Variants in SMOC2 observed in about 807,000 individuals in gnomAD.
The protein encoded by SMOC2 is SPARC-related modular calcium-binding protein 2.
Under a neutral mutation model 61.4 loss-of-function variants are expected in SMOC2, and 39 were observed. The ratio of observed to expected loss-of-function variants is 0.64; its 90% CI spans 0.49 to 0.83. The LOEUF is 0.83. Among genes scored for constraint, SMOC2 ranks in the 40% least tolerant of loss-of-function variants. SMOC2 has a pLI of 0.00. For synonymous variants in SMOC2, 247 were observed against 239.9 expected (o/e 1.03, Z -0.27); for missense variants, 556 against 592.9 (o/e 0.94, Z 0.65).
intron 11 of SMOC2, among the ~76,000 whole-genome samples, chr6:168,663,284 G>A (rs535640232): frequency 2.0e-5 from 3 of 152,312 alleles, no homozygotes; most frequent in South Asian, 4.2e-4. Context: ...TGCAGAGGGC[G>A]GTGAAGCCAG....
Position 168,445,918 on chromosome 6 carries a change from A to G in SMOC2, c.84+4464A>G, listed in dbSNP as rs150616308. The stretch of plus-strand genomic sequence containing the variant: ...TGGGCATGGATGTAACGTCAGTTGC[A>G]ATGGCTCAGAACCGAACAGATTTCT... On this transcript the variant is annotated intron_variant, in intron 1 of 12. Transcript: ENST00000356284. 3.2e-3 allele frequency among the ~76,000 whole-genome samples: 487 copies of G among 152,354 alleles called. 5 individuals carry two copies. The highest frequency in any genetic ancestry group is 0.01 in the Middle Eastern group (3 of 294).
chr6:168,552,361 T>A (rs1447161284), intron 7 of SMOC2, among the ~76,000 whole-genome samples: 1 of 152,232 alleles, frequency 6.6e-6, no homozygotes, highest in Non-Finnish European at 1.5e-5. Context: ...TGAGAAAATG[T>A]AAGTAATTTT....
Position 168,615,266 on chromosome 6 carries a change from C to T in SMOC2, c.907+7027C>T, listed in dbSNP as rs1230653911. On this transcript the variant is annotated intron_variant, in intron 9 of 12. Transcript: ENST00000356284. ...ACCTACAGCCAGCACGGGGCCTTTTCACACCTACAGCCAGCATGGGGCCTC... is the reference window on the plus strand; with the variant it reads ...ACCTACAGCCAGCACGGGGCCTTTTTACACCTACAGCCAGCATGGGGCCTC... Among the ~76,000 whole-genome samples, 54 of 93,082 alleles carry T rather than the reference C, an allele frequency of 5.8e-4. 2 individuals carry two copies. Among genetic ancestry groups the T allele is most frequent in the Non-Finnish European group, 8.0e-4 (36 of 45,108 alleles). The allele number at this position is 93,082 out of a possible 152,430, so 61.1% of individuals were successfully genotyped here.
At position 168,464,704 on chromosome 6, in the gene SMOC2, C is replaced by T. The variant is rs561543539; in HGVS notation, c.84+23250C>T. Among the ~76,000 whole-genome samples, 4 of 152,206 alleles carry T rather than the reference C, an allele frequency of 2.6e-5. No individual in the cohort carries two copies. The South Asian group carries it at 6.2e-4, about 24-fold the overall frequency. Reference sequence around the variant, plus strand: ...GCCACAGCCTTTTAAACATTTTTATCGTTGAATGTGTAAATAGTAATGTTT... The same window carrying T: ...GCCACAGCCTTTTAAACATTTTTATTGTTGAATGTGTAAATAGTAATGTTT... On this transcript the variant is annotated intron_variant, in intron 1 of 12. Coordinates refer to ENST00000356284, the MANE Select transcript of SMOC2 (RefSeq NM_001166412.2).
chr6:168,578,461 T>G (rs924074306), intron 7 of SMOC2, among the ~76,000 whole-genome samples: 3 of 152,224 alleles, frequency 2.0e-5, no homozygotes, highest in African/African-American at 7.2e-5. Flanking sequence ...CTTTCTGCTG[T>G]CATTGAATTT....
At chr6:168,652,014 C>G (rs1035106655) in intron 10 of SMOC2, among the ~76,000 whole-genome samples, 2 of 144,780 alleles carry the variant, frequency 1.4e-5, no homozygotes, top group African/African-American at 2.6e-5. Context: ...GCACTTCAGC[C>G]AGGACAACAA....
At chr6:168,587,909 C>T (rs928790244) in intron 7 of SMOC2, among the ~76,000 whole-genome samples, 1 of 150,014 alleles carries the variant, frequency 6.7e-6, no homozygotes, top group Non-Finnish European at 1.5e-5. Context: ...GCTGCCGTAA[C>T]AAAATCCCTT....
intron 2 of SMOC2, among the ~76,000 whole-genome samples, chr6:168,518,842 C>T (rs59263528): frequency 0.1 from 15,424 of 150,172 alleles, 868 homozygotes; most frequent in Middle Eastern, 0.19. Context: ...AGTGTGCATG[C>T]GTGTGTGTGC....
At chr6:168,497,794 GC>G (rs1388202844) in intron 1 of SMOC2, among the ~76,000 whole-genome samples, 1 of 152,110 alleles carries the variant, frequency 6.6e-6, no homozygotes, top group Admixed American at 6.6e-5. Flanking sequence ...ACCACGTTTT[GC>G]CCCCCACAAA....
intron 2 of SMOC2, among the ~76,000 whole-genome samples, chr6:168,518,593 ATG>A (rs72507344): frequency 0.2 from 29,151 of 146,174 alleles, 3,009 homozygotes; most frequent in Admixed American, 0.26. Flanking sequence ...ATGTGTGTGA[ATG>A]TGTGTTCATG....
chr6:168,624,872 AACAC>A (rs139582073), intron 9 of SMOC2, among the ~76,000 whole-genome samples: 30 of 151,200 alleles, frequency 2.0e-4, no homozygotes, highest in African/African-American at 4.6e-4. Flanking sequence ...CATTCACAGA[AACAC>A]ACACACAAAC....
intron 1 of SMOC2, among the ~76,000 whole-genome samples, chr6:168,497,264 C>T (rs946899253): frequency 6.6e-6 from 1 of 152,218 alleles, no homozygotes; most frequent in Non-Finnish European, 1.5e-5. Flanking sequence ...AATGAGGTGC[C>T]TGGGCTGGCA....
At chr6:168,568,715 G>A (rs1784600871) in intron 7 of SMOC2, among the ~76,000 whole-genome samples, 1 of 152,038 alleles carries the variant, frequency 6.6e-6, no homozygotes, top group African/African-American at 2.4e-5. Context: ...GGAAACCACT[G>A]ATCTTTTTAC....
At chr6:168,529,921 T>G (rs2115079661) in intron 4 of SMOC2, among the ~76,000 whole-genome samples, 1 of 152,316 alleles carries the variant, frequency 6.6e-6, no homozygotes, top group East Asian at 1.9e-4. Context: ...GGCATACCCT[T>G]GGGGGTTCAC....
At chr6:168,469,336 C>G (rs750282401) in intron 1 of SMOC2, among the ~76,000 whole-genome samples, 1 of 152,188 alleles carries the variant, frequency 6.6e-6, no homozygotes, top group African/African-American at 2.4e-5. Context: ...AACTTCCTAA[C>G]GGAGCAGTGC....
intron 7 of SMOC2, among the ~76,000 whole-genome samples, chr6:168,576,215 C>G (rs918656484): frequency 6.6e-6 from 1 of 152,096 alleles, no homozygotes; most frequent in Non-Finnish European, 1.5e-5. Context: ...AACACACAAC[C>G]CTTATTCTCA....
intron 7 of SMOC2, among the ~76,000 whole-genome samples, chr6:168,576,017 CT>C (rs11363027): frequency 0.11 from 17,484 of 152,090 alleles, 1,270 homozygotes; most frequent in African/African-American, 0.18. Context: ...AGAGGCAGGA[CT>C]TTGGAGCCTG....
intron 8 of SMOC2, among the ~76,000 whole-genome samples, chr6:168,600,632 C>T (rs1053883203): frequency 1.4e-4 from 21 of 152,098 alleles, no homozygotes; most frequent in Admixed American, 6.6e-4. Flanking sequence ...GAAACGTGGA[C>T]GGCATCAAAT....
At chr6:168,591,274 G>A (rs993498376) in intron 7 of SMOC2, among the ~76,000 whole-genome samples, 2 of 152,260 alleles carry the variant, frequency 1.3e-5, no homozygotes, top group East Asian at 3.8e-4. Flanking sequence ...CTGAGCCACA[G>A]ACAGCAGAAA....
Sources: allele counts gnomAD v4.1 joint callset (sites outside exome capture counted in the v4.1 genomes callset), GRCh38; gene constraint gnomAD v4.1.1; transcripts MANE v1.5; gene names NCBI Gene and HGNC (gene_info 2026-07-23, HGNC 2026-07-21).